CYP4Z1: variants seen among roughly 807,000 people sequenced by gnomAD.
CYP4Z1 encodes cytochrome P450 family 4 subfamily Z member 1.
A neutral mutation model predicts 54.2 loss-of-function variants in CYP4Z1; 41 were observed. The ratio of observed to expected loss-of-function variants is 0.76; its 90% CI spans 0.59 to 0.98. The LOEUF (loss-of-function observed/expected upper bound fraction) is 0.98. CYP4Z1 is among the 50% of genes least tolerant of loss of function. CYP4Z1 has a pLI of 0.00. For missense variants in CYP4Z1, 513 were observed against 599.0 expected (o/e 0.86, Z 1.50); for synonymous variants, 163 against 206.2 (o/e 0.79, Z 1.79).
chr1:47,063,843 C>T (rs879371800), upstream of CYP4Z1, among the ~76,000 whole-genome samples: 12 of 152,174 alleles, frequency 7.9e-5, no homozygotes, highest in Admixed American at 2.6e-4. Flanking sequence ...AAAAACTTCC[C>T]TGGCCTTGCT....
chr1:47,057,820 C>G, the CYP4Z1 span, among the ~76,000 whole-genome samples: 4 of 151,838 alleles, frequency 2.6e-5, no homozygotes, highest in African/African-American at 7.3e-5. Context: ...ATATTAACAA[C>G]TTTATTTTTC....
chr1:47,061,369 A>AT, the CYP4Z1 span, among the ~76,000 whole-genome samples: 2 of 152,228 alleles, frequency 1.3e-5, no homozygotes, highest in African/African-American at 4.8e-5. Flanking sequence ...GACCCCACAG[A>AT]AATAAAAATA....
At chr1:47,101,229 T>C (rs555025484) in intron 8 of CYP4Z1, among the ~76,000 whole-genome samples, 135 of 152,300 alleles carry the variant, frequency 8.9e-4, no homozygotes, top group African/African-American at 3.2e-3. Flanking sequence ...TGCATTGTTC[T>C]TTTAACCTCT....
At chr1:47,107,078 T>C (rs1644762068) in intron 9 of CYP4Z1, among the ~76,000 whole-genome samples, 1 of 152,232 alleles carries the variant, frequency 6.6e-6, no homozygotes, top group African/African-American at 2.4e-5. Flanking sequence ...AATATTTGTT[T>C]CCTACAAAAT....
rs150508711 is a variant in CYP4Z1, at chr1:47,105,583, C to A, written c.1068-545C>A. 9.2e-3 allele frequency among the ~76,000 whole-genome samples: 1,404 copies of A among 152,308 alleles called. 11 individuals are homozygous for A. The highest frequency in any genetic ancestry group is 0.048 in the South Asian group (232 of 4,822). The stretch of plus-strand genomic sequence containing the variant: ...GCCAAACAGGCTGCCTCACTTCCCT[C>A]TCCTTCCTTGCTTTTGGTGCTTTCC... On this transcript the variant is annotated intron_variant, in intron 8 of 11. Transcript: ENST00000334194.
At chr1:47,097,881 T>C (rs1231836027) in intron 7 of CYP4Z1, among the ~76,000 whole-genome samples, 1 of 150,400 alleles carries the variant, frequency 6.6e-6, no homozygotes, top group African/African-American at 2.5e-5. Flanking sequence ...AGTGGTGTGC[T>C]CCTGGCTCAC....
In CYP4Z1 at chr1:47,084,725, G is replaced by A. The variant is rs748734462; in HGVS notation, c.598G>A (p.Gly200Ser). The change falls in exon 5 of 12, where the codon GGC (glycine) becomes AGC (serine). Residue 200 changes from glycine (G) to serine (S), a missense_variant. Physicochemically the swap from Gly to Ser is moderately conservative, Grantham distance 56 (BLOSUM62 0). Coordinates refer to ENST00000334194, the MANE Select transcript of CYP4Z1 (RefSeq NM_178134.3). ...CATGAAGTGTGCCTTCAGCCACCAG[G>A]GCAGCATCCAGTTGGACAGGTCAGT... Reference protein sequence around the residue: ...SIMKCAFSHQGSIQLDSTLDS... With the variant: ...SIMKCAFSHQSSIQLDSTLDS... 1.9e-6 allele frequency: 3 copies of A among 1,613,110 alleles called. No homozygotes were observed. In the South Asian group the frequency reaches 3.3e-5, roughly 18 times the overall value.
intron 2 of CYP4Z1, among the ~76,000 whole-genome samples, chr1:47,077,774 C>T (rs944312015): frequency 8.6e-5 from 13 of 151,788 alleles, no homozygotes; most frequent in African/African-American, 2.7e-4. Flanking sequence ...GCCTGCACCA[C>T]TATGCCTGGC....
chr1:47,111,130 A>G (rs887782795), intron 9 of CYP4Z1, among the ~76,000 whole-genome samples: 7 of 152,248 alleles, frequency 4.6e-5, no homozygotes, highest in South Asian at 2.1e-4. Flanking sequence ...AAAAGCCACA[A>G]TTCATCATGA....
intron 6 of CYP4Z1, among the ~76,000 whole-genome samples, chr1:47,086,683 A>C (rs911260567): frequency 2.0e-5 from 3 of 152,112 alleles, no homozygotes; most frequent in African/African-American, 7.2e-5. Flanking sequence ...GCTGTGCAGA[A>C]GCTCTTTAGT....
At chr1:47,100,834 G>A (rs1044788654) in intron 8 of CYP4Z1, among the ~76,000 whole-genome samples, 3 of 152,194 alleles carry the variant, frequency 2.0e-5, no homozygotes, top group Admixed American at 6.5e-5. Context: ...ATCCCTCACA[G>A]ATAAGTGGGG....
At chr1:47,092,156 G>A (rs913825661) in intron 6 of CYP4Z1, among the ~76,000 whole-genome samples, 11 of 151,882 alleles carry the variant, frequency 7.2e-5, no homozygotes, top group African/African-American at 1.5e-4. Flanking sequence ...ACAGGGTCAC[G>A]CTGGCTTTGT....
rs909797446 is a variant in CYP4Z1, at chr1:47,094,931, C to G, written c.876+262C>G. ...GCTGAGGTGGGAGAGTCGTTTGAAC[C>G]CAGGAGGTGGTAGAGCATGACTCTG... On this transcript the variant is annotated intron_variant, in intron 7 of 11. Coordinates refer to ENST00000334194, the MANE Select transcript of CYP4Z1 (RefSeq NM_178134.3). 1.1e-4 allele frequency among the ~76,000 whole-genome samples: 16 copies of G among 151,846 alleles called. No individual in the cohort carries two copies. In the South Asian group the frequency reaches 1.7e-3, roughly 16 times the overall value.
upstream of CYP4Z1, among the ~76,000 whole-genome samples, chr1:47,065,634 A>C (rs1644445684): frequency 6.6e-6 from 1 of 152,158 alleles, no homozygotes; most frequent in Non-Finnish European, 1.5e-5. Flanking sequence ...CTGGAGAAAG[A>C]ACAATCAAAA....
chr1:47,084,817 A>G lies in CYP4Z1; in HGVS notation c.618-7A>G, dbSNP rs372595883. ...ACTAACATGTTGTTCCATCTTCCCT[A>G]TTCCAGTACCCTGGACTCATACCTG... On this transcript the variant is annotated splice_polypyrimidine_tract_variant and splice_region_variant and intron_variant, in intron 5 of 11. Coordinates refer to ENST00000334194, the MANE Select transcript of CYP4Z1 (RefSeq NM_178134.3). 293 of 1,539,270 alleles carry G rather than the reference A, an allele frequency of 1.9e-4. No individual in the cohort carries two copies. The highest frequency in any genetic ancestry group is 2.2e-4 in the Non-Finnish European group (258 of 1,152,374).
rs1198802355 is a variant in CYP4Z1 at position 47,070,337 on chromosome 1, A to C, written c.319+1574A>C. ...AATTTACCATTTTAAATCACTTTTAAGTATACAATTTAATGGCATTAAATA... is the reference window on the plus strand; with the variant it reads ...AATTTACCATTTTAAATCACTTTTACGTATACAATTTAATGGCATTAAATA... On this transcript the variant is annotated intron_variant, in intron 2 of 11. Transcript: ENST00000334194. Among the ~76,000 whole-genome samples, 2 of 115,004 alleles carry C rather than the reference A, an allele frequency of 1.7e-5. 1 individual carries two copies. The highest frequency in any genetic ancestry group is 7.2e-5 in the African/African-American group (2 of 27,624). The allele number at this position is 115,004 out of a possible 152,430, so 75.4% of individuals were successfully genotyped here.
rs200539643 is a variant in CYP4Z1, at chr1:47,089,758, G to C, written c.772+4780G>C. ...CAAGCTATTTTTTTGAGAACCCTTA[G>C]ATCAACCTCAGGAGGAGGCCCAACT... On this transcript the variant is annotated intron_variant, in intron 6 of 11. Coordinates refer to ENST00000334194, the MANE Select transcript of CYP4Z1 (RefSeq NM_178134.3). Among the ~76,000 whole-genome samples, 7 of 152,304 alleles carry C rather than the reference G, an allele frequency of 4.6e-5. No individual in the cohort carries two copies. In the East Asian group the frequency reaches 1.4e-3, roughly 29 times the overall value.
chr1:47,091,984 C>T (rs144474016), intron 6 of CYP4Z1, among the ~76,000 whole-genome samples: 10,340 of 150,638 alleles, frequency 0.069, 445 homozygotes, highest in East Asian at 0.21. Context: ...TCCAGAATCA[C>T]CCAGGGCTCC....
intron 9 of CYP4Z1, among the ~76,000 whole-genome samples, chr1:47,106,812 C>T (rs887102627): frequency 3.9e-5 from 6 of 152,090 alleles, no homozygotes; most frequent in Non-Finnish European, 5.9e-5. Flanking sequence ...AGATTTAAGA[C>T]GTCTAAGCTG....
Sources: allele counts gnomAD v4.1 joint callset (sites outside exome capture counted in the v4.1 genomes callset), GRCh38; gene constraint gnomAD v4.1.1; transcripts MANE v1.5; gene names NCBI Gene and HGNC (gene_info 2026-07-23, HGNC 2026-07-21).